The following TSHR variants were observed in gnomAD, a reference collection of about 807,000 sequenced individuals.
TSHR encodes thyrotropin receptor.
In TSHR, 51 loss-of-function variants were observed where a neutral mutation model predicts 64.1. That is an observed-to-expected ratio of 0.80 (90% CI 0.64 to 1.01). The LOEUF (loss-of-function observed/expected upper bound fraction) is 1.01. Among genes scored for constraint, TSHR ranks in the 50% least tolerant of loss-of-function variants. The probability of loss-of-function intolerance (pLI) is 0.00; values close to 1 mark genes in which losing one functional copy is unlikely to be tolerated. For missense variants in TSHR, 877 were observed against 942.8 expected (o/e 0.93, Z 0.91); for synonymous variants, 361 against 361.9 (o/e 1.00, Z 0.03).
At position 81,096,590 on chromosome 14, in the gene TSHR, G is replaced by T. The variant is rs1307040383; in HGVS notation, c.546-49G>T. On this transcript the variant is annotated intron_variant, in intron 6 of 9. Transcript: ENST00000298171. ...AGTCCAACTCTCCAGAAACAGGCCA[G>T]CACCACTTCTCACCAGTCACTGATT... 4.4e-6 allele frequency: 7 copies of T among 1,582,184 alleles called. No homozygotes were observed. The African/African-American group carries it at 9.5e-5, about 21-fold the overall frequency.
chr14:81,112,824 C>A (rs147242548), intron 8 of TSHR, among the ~76,000 whole-genome samples: 1 of 152,164 alleles, frequency 6.6e-6, no homozygotes, highest in Non-Finnish European at 1.5e-5. Flanking sequence ...GTGCAAAGAC[C>A]CCCAGGTGAG....
At chr14:81,066,031 A>C (rs951559596) in intron 2 of TSHR, among the ~76,000 whole-genome samples, 4 of 152,214 alleles carry the variant, frequency 2.6e-5, no homozygotes, top group Admixed American at 2.6e-4. Flanking sequence ...TAGTTGTAAA[A>C]ATGGGGTAAG....
intron 1 of TSHR, chr14:81,032,804 G>T: frequency 2.4e-6 from 1 of 412,250 alleles, no homozygotes. Flanking sequence ...AGAAGGAGTG[G>T]ATAGAGGCTG....
chr14:81,056,438 A>G (rs138190756), intron 1 of TSHR, among the ~76,000 whole-genome samples: 131 of 152,302 alleles, frequency 8.6e-4, no homozygotes, highest in African/African-American at 2.8e-3. Context: ...TATGTAAAGT[A>G]TAAGTATACT....
At chr14:81,124,125 CATAA>C (rs1251461018) in intron 8 of TSHR, among the ~76,000 whole-genome samples, 2 of 152,074 alleles carry the variant, frequency 1.3e-5, no homozygotes, top group Non-Finnish European at 2.9e-5. Flanking sequence ...CAGGTATCAG[CATAA>C]ATAAACTTCA....
intron 3 of TSHR, 48 bp from the exon 4 acceptor site, chr14:81,087,906 A>G (rs367701399): frequency 1.1e-4 from 146 of 1,316,456 alleles, no homozygotes; most frequent in Admixed American, 7.7e-4. Context: ...TTTGATAAGA[A>G]CAGATACGGA....
intron 1 of TSHR, among the ~76,000 whole-genome samples, chr14:81,005,221 G>A (rs919230239): frequency 3.5e-5 from 5 of 144,822 alleles, no homozygotes; most frequent in Non-Finnish European, 6.0e-5. Flanking sequence ...GTGTGTGTGT[G>A]TGTGTGTGTG....
intron 7 of TSHR, among the ~76,000 whole-genome samples, chr14:81,102,118 G>A (rs1889621796): frequency 6.6e-6 from 1 of 150,854 alleles, no homozygotes; most frequent in Non-Finnish European, 1.5e-5. Flanking sequence ...CTTGCAGTGA[G>A]CCGAGATCGC....
At chr14:81,043,152 T>C (rs924138530) in intron 1 of TSHR, among the ~76,000 whole-genome samples, 8 of 152,214 alleles carry the variant, frequency 5.3e-5, no homozygotes, top group African/African-American at 1.7e-4. Context: ...AAATTATCTT[T>C]GTTTGTAGAT....
intron 1 of TSHR, among the ~76,000 whole-genome samples, chr14:80,956,710 ATGT>A (rs1886714423): frequency 1.3e-5 from 2 of 152,212 alleles, no homozygotes; most frequent in African/African-American, 2.4e-5. Context: ...ATTAAAGAAA[ATGT>A]TGATAGATGA....
intron 1 of TSHR, among the ~76,000 whole-genome samples, chr14:81,054,167 T>G (rs1401671813): frequency 1.3e-5 from 2 of 152,204 alleles, no homozygotes; most frequent in East Asian, 3.9e-4. Context: ...TGAATAAGTC[T>G]CACAAGATCT....
At chr14:81,127,654 T>G (rs1182599763) in intron 8 of TSHR, among the ~76,000 whole-genome samples, 1 of 152,204 alleles carries the variant, frequency 6.6e-6, no homozygotes, top group Non-Finnish European at 1.5e-5. Flanking sequence ...ACTGTTCTCA[T>G]GGTAGTGAAT....
chr14:81,075,701 T>G (rs1231119555), intron 3 of TSHR, among the ~76,000 whole-genome samples: 1 of 141,804 alleles, frequency 7.1e-6, no homozygotes, highest in African/African-American at 2.6e-5. Context: ...TTGGTGGGAC[T>G]GTAAACTAGT....
At chr14:81,074,861 T>C (rs2139930424) in intron 3 of TSHR, among the ~76,000 whole-genome samples, 1 of 152,362 alleles carries the variant, frequency 6.6e-6, no homozygotes, top group African/African-American at 2.4e-5. Flanking sequence ...TAGTTTACCA[T>C]TGCCACTTCT....
intron 8 of TSHR, among the ~76,000 whole-genome samples, chr14:81,121,525 C>T (rs1477683600): frequency 6.6e-6 from 1 of 152,136 alleles, no homozygotes; most frequent in Non-Finnish European, 1.5e-5. Flanking sequence ...CAGTGATCAA[C>T]ACAGGAAAGA....
intron 4 of TSHR, among the ~76,000 whole-genome samples, chr14:81,088,599 C>G (rs771127800): frequency 4.6e-5 from 7 of 152,192 alleles, no homozygotes; most frequent in Non-Finnish European, 5.9e-5. Flanking sequence ...CTGCCTAGTA[C>G]AGAGTAGGCG....
intron 8 of TSHR, among the ~76,000 whole-genome samples, chr14:81,112,900 G>C (rs1036482258): frequency 7.2e-5 from 11 of 152,178 alleles, no homozygotes; most frequent in Admixed American, 5.2e-4. Context: ...TAAAGTAAAC[G>C]GGGGAAAAAG....
chr14:81,143,852 C>A lies in TSHR; in HGVS notation c.1794C>A (p.Cys598Ter). 1 of 1,613,956 alleles carries A rather than the reference C, an allele frequency of 6.2e-7. No homozygotes were observed. The highest frequency in any genetic ancestry group is 8.5e-7 in the Non-Finnish European group (1 of 1,179,994). Residue 598 changes from cysteine (C) to a stop codon, truncating the protein, a stop_gained, in exon 10 of 10, where the codon TGC becomes TGA. Coordinates refer to ENST00000298171, the MANE Select transcript of TSHR (RefSeq NM_000369.5). LOFTEE classifies it high-confidence loss of function. ...TLNIVAFVIV[C>*]CCYVKIYITV... is the part of the protein sequence containing the mutation. Reference sequence around the variant, plus strand: ...ACATAGTTGCCTTCGTCATCGTCTGCTGCTGTTATGTGAAGATCTACATCA... The same window carrying A: ...ACATAGTTGCCTTCGTCATCGTCTGATGCTGTTATGTGAAGATCTACATCA...
chr14:81,022,414 C>T lies in TSHR; in HGVS notation c.171-39734C>T, dbSNP rs546670730. On this transcript the variant is annotated intron_variant, in intron 1 of 9. Transcript: ENST00000298171. The stretch of plus-strand genomic sequence containing the variant: ...CTGGCTGTGGCTGAGGGGGTGTCTT[C>T]GATGAGATTAACATTTGCATCAGCA... Among the ~76,000 whole-genome samples, 139 of 152,244 alleles carry T rather than the reference C, an allele frequency of 9.1e-4. 3 individuals carry two copies. Among genetic ancestry groups the T allele is most frequent in the Admixed American group, 7.8e-4 (12 of 15,292 alleles).
Sources: allele counts gnomAD v4.1 joint callset (sites outside exome capture counted in the v4.1 genomes callset), GRCh38; gene constraint gnomAD v4.1.1; transcripts MANE v1.5; gene names NCBI Gene and HGNC (gene_info 2026-07-23, HGNC 2026-07-21).